Variants in PPP2R2C observed in about 807,000 individuals in gnomAD.
PPP2R2C encodes protein phosphatase 2 regulatory subunit Bgamma.
In PPP2R2C, 10 loss-of-function variants were observed where a neutral mutation model predicts 45.3. The observed-to-expected ratio is 0.22, with a 90% CI of 0.14 to 0.37. The LOEUF (loss-of-function observed/expected upper bound fraction) is 0.37, where lower values mean the gene tolerates loss of function less well. PPP2R2C is among the 10% of genes least tolerant of loss of function. PPP2R2C has a pLI of 1.00. For missense variants in PPP2R2C, 308 were observed against 619.7 expected, an observed-to-expected ratio of 0.50 and a Z score of 5.34; for synonymous variants, 257 against 245.4, an observed-to-expected ratio of 1.05 and a Z score of -0.44.
chr4:6,512,476 G>A (rs1723660577), intron 2 of PPP2R2C, among the ~76,000 whole-genome samples: 1 of 112,222 alleles, frequency 8.9e-6, no homozygotes, highest in South Asian at 3.7e-4. Flanking sequence ...TATGGTGGTA[G>A]TGGTGGTGAT....
chr4:6,377,536 G>A (rs759733212), intron 3 of PPP2R2C, among the ~76,000 whole-genome samples: 1 of 152,200 alleles, frequency 6.6e-6, no homozygotes, highest in Non-Finnish European at 1.5e-5. Flanking sequence ...TTGGACGCCT[G>A]TAATTCCAGC....
chr4:6,553,215 G>A (rs1021961520), intron 1 of PPP2R2C, among the ~76,000 whole-genome samples: 3 of 152,204 alleles, frequency 2.0e-5, no homozygotes, highest in Admixed American at 1.3e-4. Context: ...AACGGGGAGT[G>A]TTCCCCCTCT....
At chr4:6,388,231 C>T (rs1400496593) in intron 1 of PPP2R2C, among the ~76,000 whole-genome samples, 4 of 152,166 alleles carry the variant, frequency 2.6e-5, no homozygotes, top group East Asian at 1.9e-4. Flanking sequence ...GAGGCCTCAG[C>T]CAGCCCCCTG....
At chr4:6,438,059 G>C (rs932939266) in intron 1 of PPP2R2C, among the ~76,000 whole-genome samples, 2 of 152,202 alleles carry the variant, frequency 1.3e-5, no homozygotes, top group African/African-American at 4.8e-5. Flanking sequence ...CTTTGCCAGA[G>C]TTCTCATAAA....
At chr4:6,442,306 G>C (rs544251780) in intron 1 of PPP2R2C, among the ~76,000 whole-genome samples, 10 of 152,360 alleles carry the variant, frequency 6.6e-5, no homozygotes, top group African/African-American at 2.4e-4. Context: ...GCCCAGAGAG[G>C]GGCATCAGCT....
chr4:6,328,611 C>A lies in PPP2R2C; in HGVS notation c.1052+651G>T, dbSNP rs1196657963. 1.3e-5 allele frequency among the ~76,000 whole-genome samples: 2 copies of A among 152,226 alleles called. No individual in the cohort carries two copies. Among genetic ancestry groups the A allele is most frequent in the African/African-American group, 4.8e-5 (2 of 41,466 alleles). On this transcript the variant is annotated intron_variant, in intron 8 of 8. Transcript: ENST00000382599. The surrounding 1 kb of genome is among the most constrained non-coding windows in gnomAD (Gnocchi z 4.4). Reference sequence around the variant, plus strand: ...GTCAGGTCAGGAGCCCCTGCCACAGCCCCCTTGTCCATGCCCGCCCTGGGC... The same window carrying A: ...GTCAGGTCAGGAGCCCCTGCCACAGACCCCTTGTCCATGCCCGCCCTGGGC...
At chr4:6,383,030 T>G in intron 1 of PPP2R2C, 1 of 1,080,012 alleles carries the variant, frequency 9.3e-7, no homozygotes, top group South Asian at 2.7e-5. Flanking sequence ...GGTGACCTGT[T>G]CTCTGCCCCC....
Position 6,369,733 on chromosome 4 carries a change from T to C in PPP2R2C, c.625+2790A>G, listed in dbSNP as rs144226516. On this transcript the variant is annotated intron_variant, in intron 5 of 8. Transcript: ENST00000382599. ...GGGAGCTTCCTACCGAAATTCCTTC[T>C]CTGGCTTCCTTGGCGGCCCCCACAG... Among the ~76,000 whole-genome samples, 44 of 152,284 alleles carry C rather than the reference T, an allele frequency of 2.9e-4. 2 individuals carry two copies. In the East Asian group the frequency reaches 7.6e-3, roughly 26 times the overall value.
At position 6,563,254 on chromosome 4, in the gene PPP2R2C, A is replaced by C. The variant is rs1048844460; in HGVS notation, c.-59+306T>G. Among the ~76,000 whole-genome samples the C allele has an allele frequency of 1.3e-5, 2 of 151,604 alleles. No individual in the cohort carries two copies. Among genetic ancestry groups the C allele is most frequent in the Non-Finnish European group, 2.9e-5 (2 of 67,824 alleles). On this transcript the variant is annotated intron_variant, in intron 1 of 9. Coordinates refer to the PPP2R2C transcript ENST00000506140. This position sits in a 1 kb window ranked among gnomAD's most constrained non-coding sequence, Gnocchi z 5.8. ...CGCGCGGCGAGCAAGTGCTGGAGGC[A>C]GGGTTCCAAGCCGGTTCTGTCGGGT... is the stretch of plus-strand genomic sequence containing the variant.
chr4:6,360,840 GT>G (rs1713667813), intron 5 of PPP2R2C, among the ~76,000 whole-genome samples: 1 of 152,128 alleles, frequency 6.6e-6, no homozygotes, highest in Non-Finnish European at 1.5e-5. Context: ...CAATAACACG[GT>G]GTTAGCAGGG....
In PPP2R2C at chr4:6,417,052, G is replaced by A. The variant is rs892174218; in HGVS notation, c.71-35958C>T. ...GGGTCCAGCACTGGGGAAGCCCACC[G>A]GGCCCCTGAACCTAAGCCAGGTCCT... is the stretch of plus-strand genomic sequence containing the variant. On this transcript the variant is annotated intron_variant, in intron 1 of 8. Transcript: ENST00000382599. 7.2e-5 allele frequency among the ~76,000 whole-genome samples: 11 copies of A among 152,316 alleles called. No individual in the cohort carries two copies. In the South Asian group the frequency reaches 8.3e-4, roughly 11 times the overall value.
intron 1 of PPP2R2C, among the ~76,000 whole-genome samples, chr4:6,545,092 C>T (rs997884771): frequency 3.3e-5 from 5 of 152,162 alleles, no homozygotes; most frequent in African/African-American, 7.2e-5. Flanking sequence ...GGGGCTCTCC[C>T]GGGCTCACCC....
intron 2 of PPP2R2C, among the ~76,000 whole-genome samples, chr4:6,493,653 G>T (rs1424314562): frequency 2.0e-5 from 3 of 151,808 alleles, no homozygotes; most frequent in African/African-American, 7.3e-5. Flanking sequence ...AGAAGCCCGT[G>T]TCTGTAGCCA....
At chr4:6,470,902 C>T (rs571011249) in intron 1 of PPP2R2C, among the ~76,000 whole-genome samples, 1 of 151,924 alleles carries the variant, frequency 6.6e-6, no homozygotes, top group African/African-American at 2.4e-5. Flanking sequence ...AGCCTCCCTC[C>T]GCCCAGGTCC....
intron 1 of PPP2R2C, among the ~76,000 whole-genome samples, chr4:6,445,397 C>G (rs1292845996): frequency 6.6e-6 from 1 of 152,164 alleles, no homozygotes; most frequent in African/African-American, 2.4e-5. Flanking sequence ...GAGAATTTAG[C>G]CAAGTTTGCA....
chr4:6,417,801 C>T lies in PPP2R2C; in HGVS notation c.71-36707G>A, dbSNP rs577200992. On this transcript the variant is annotated intron_variant, in intron 1 of 8. Coordinates refer to ENST00000382599, the MANE Select transcript of PPP2R2C (RefSeq NM_020416.4). ...GCATGGTCACTCAGAGGACGGCCCT[C>T]GTCCACAGCTCATTCCAGACACCCA... 2.6e-5 allele frequency among the ~76,000 whole-genome samples: 4 copies of T among 152,340 alleles called. No individual in the cohort carries two copies. In the East Asian group the frequency reaches 5.8e-4, roughly 22 times the overall value.
Position 6,393,424 on chromosome 4 carries a change from C to T in PPP2R2C, c.71-12330G>A, listed in dbSNP as rs141322456. Among the ~76,000 whole-genome samples, 469 of 152,360 alleles carry T rather than the reference C, an allele frequency of 3.1e-3. 5 individuals are homozygous for T. The highest frequency in any genetic ancestry group is 0.011 in the African/African-American group (443 of 41,588). On this transcript the variant is annotated intron_variant, in intron 1 of 8. Transcript: ENST00000382599. ...ATCCATGTTGTGACACAGATCAGTA[C>T]ATCATTCCTTTTCCAGGCTGAAATA...
At chr4:6,437,759 A>G (rs1719961022) in intron 1 of PPP2R2C, among the ~76,000 whole-genome samples, 1 of 152,208 alleles carries the variant, frequency 6.6e-6, no homozygotes, top group Admixed American at 6.5e-5. Context: ...GTGAAAAGAA[A>G]TCTTTGTCCC....
At chr4:6,408,162 T>C (rs1252678784) in intron 1 of PPP2R2C, among the ~76,000 whole-genome samples, 1 of 152,214 alleles carries the variant, frequency 6.6e-6, no homozygotes, top group Non-Finnish European at 1.5e-5. Flanking sequence ...TTATTGGGAA[T>C]TTAAAAATTA....
Sources: allele counts gnomAD v4.1 joint callset (sites outside exome capture counted in the v4.1 genomes callset), GRCh38; gene constraint gnomAD v4.1.1; non-coding constraint Gnocchi (gnomAD v3.1); transcripts MANE v1.5; gene names NCBI Gene and HGNC (gene_info 2026-07-23, HGNC 2026-07-21).